Variants in LTBP2 observed in about 807,000 individuals in gnomAD.
The protein encoded by LTBP2 is latent transforming growth factor beta binding protein 2.
LTBP2 carries 103 observed loss-of-function variants against 210.6 expected under a neutral mutation model. That is an observed-to-expected ratio of 0.49 (90% CI 0.42 to 0.58). The LOEUF (loss-of-function observed/expected upper bound fraction) is 0.58, where lower values mean the gene tolerates loss of function less well. LTBP2 is among the 20% of genes least tolerant of loss of function. The pLI is 0.00. For missense variants in LTBP2, 2,313 were observed against 2,494.5 expected (o/e 0.93, Z 1.55); for synonymous variants, 1,007 against 1,015.0 (o/e 0.99, Z 0.15).
At chr14:74,596,809 AGAGT>A (rs2088371766) in intron 2 of LTBP2, among the ~76,000 whole-genome samples, 1 of 152,240 alleles carries the variant, frequency 6.6e-6, no homozygotes, top group Non-Finnish European at 1.5e-5. Flanking sequence ...GCCAGTTAAC[AGAGT>A]GAGTAAGACC....
intron 18 of LTBP2, among the ~76,000 whole-genome samples, 182 bp downstream of exon 18, chr14:74,516,640 T>C (rs2087138377): frequency 6.6e-6 from 1 of 152,120 alleles, no homozygotes; most frequent in East Asian, 1.9e-4. Context: ...GATGCCAGAA[T>C]GTCACTGAGG....
At chr14:74,590,187 C>A (rs2088262872) in intron 2 of LTBP2, among the ~76,000 whole-genome samples, 1 of 152,216 alleles carries the variant, frequency 6.6e-6, no homozygotes, top group Non-Finnish European at 1.5e-5. Flanking sequence ...CACTTATACA[C>A]TGCTGGTGGG....
rs2086892105 is a variant in LTBP2, at chr14:74,499,992, AG to A, written c.*891del. On this transcript the variant is annotated 3_prime_UTR_variant, in exon 36 of 36. Coordinates refer to ENST00000261978, the MANE Select transcript of LTBP2 (RefSeq NM_000428.3). ...ACATCAAACTGGTTTTCACAAAAGG[AG>A]ATCCCAGAAGAGGTTTGTTTCCTGT... 1 of 231,676 alleles carries A rather than the reference AG, an allele frequency of 4.3e-6. No individual in the cohort carries two copies. 14.4% of individuals were successfully genotyped at this position (231,676 alleles called of 1,614,324 possible). A position where few individuals can be genotyped will look rare whatever the true frequency, so the allele number is the denominator to read the frequency against.
intron 6 of LTBP2, 103 bp downstream of exon 6, chr14:74,552,084 G>T (rs760696750): frequency 1.2e-5 from 13 of 1,086,382 alleles, no homozygotes; most frequent in Non-Finnish European, 1.8e-5. Context: ...ATAAAGGAAG[G>T]ACTACAGGCA....
In LTBP2 at chr14:74,499,712, G is replaced by A. The variant is rs987177569; in HGVS notation, c.*1172C>T. Reference sequence around the variant, plus strand: ...TCTAATATTTAGACTTAGCCAACATGGTAAAGAAATTTAATCTGATATGAA... The same window carrying A: ...TCTAATATTTAGACTTAGCCAACATAGTAAAGAAATTTAATCTGATATGAA... On this transcript the variant is annotated 3_prime_UTR_variant, in exon 36 of 36. Transcript: ENST00000261978. 8.9e-6 allele frequency: 2 copies of A among 225,678 alleles called. No homozygotes were observed. Among genetic ancestry groups the A allele is most frequent in the African/African-American group, 4.5e-5 (2 of 44,882 alleles). 14.0% of individuals were successfully genotyped at this position (225,678 alleles called of 1,614,324 possible).
intron 3 of LTBP2, among the ~76,000 whole-genome samples, chr14:74,567,652 G>A (rs1050700227): frequency 2.0e-5 from 3 of 152,240 alleles, no homozygotes; most frequent in African/African-American, 7.2e-5. Context: ...GTTGCAGCTC[G>A]GCGGGGGACA....
At chr14:74,558,842 C>G (rs747361797) in intron 3 of LTBP2, among the ~76,000 whole-genome samples, 8 of 152,056 alleles carry the variant, frequency 5.3e-5, no homozygotes, top group Non-Finnish European at 1.2e-4. Context: ...ATAGACAGGA[C>G]CTGGCTGTAC....
At chr14:74,532,752 T>G (rs1440875486) in intron 9 of LTBP2, among the ~76,000 whole-genome samples, 1 of 152,264 alleles carries the variant, frequency 6.6e-6, no homozygotes, top group Non-Finnish European at 1.5e-5. Context: ...GATGGTGTTG[T>G]TAAATGGATA....
At chr14:74,593,279 G>T (rs1185877821) in intron 2 of LTBP2, among the ~76,000 whole-genome samples, 1 of 152,232 alleles carries the variant, frequency 6.6e-6, no homozygotes, top group East Asian at 1.9e-4. Context: ...CCCCATGCAG[G>T]CTGCTCCTAC....
chr14:74,575,214 T>C (rs1398521299), intron 3 of LTBP2, among the ~76,000 whole-genome samples: 3 of 152,214 alleles, frequency 2.0e-5, no homozygotes, highest in Non-Finnish European at 2.9e-5. Context: ...AGGCCAGCCG[T>C]GGCCTGCTCA....
chr14:74,504,930 G>T (rs1451446143), intron 29 of LTBP2, 53 bp downstream of exon 29: 1 of 1,613,704 alleles, frequency 6.2e-7, no homozygotes. Context: ...CCTTCTTTCA[G>T]TGTCACCTTG....
At position 74,612,088 on chromosome 14, in the gene LTBP2, G is replaced by A. The variant is rs2088624370; in HGVS notation, c.-144C>T. ...AGGGGGCCCTGAAGCGGCCGACTGG[G>A]GGCCCGGCTCTCGGCGGAACGAGGG... On this transcript the variant is annotated 5_prime_UTR_variant, in exon 1 of 36. Transcript: ENST00000261978. 1.2e-6 allele frequency: 1 copy of A among 865,432 alleles called. No homozygotes were observed. Among genetic ancestry groups the A allele is most frequent in the Non-Finnish European group, 1.6e-6 (1 of 610,402 alleles). The allele number at this position is 865,432 out of a possible 1,614,324, so 53.6% of individuals were successfully genotyped here. A position where few individuals can be genotyped will look rare whatever the true frequency, so the allele number is the denominator to read the frequency against.
intron 21 of LTBP2, 109 bp downstream of exon 21, chr14:74,509,625 G>C: frequency 6.6e-7 from 1 of 1,509,466 alleles, no homozygotes; most frequent in Non-Finnish European, 9.1e-7. Flanking sequence ...TTCTAGCCTA[G>C]CCTGGAGCCC....
intron 33 of LTBP2, 91 bp from the exon 34 acceptor site, chr14:74,503,025 G>C: frequency 6.5e-7 from 1 of 1,547,112 alleles, no homozygotes; most frequent in Non-Finnish European, 8.8e-7. Context: ...GCAAGGACTG[G>C]TACCCTCTGG....
At chr14:74,606,400 A>G (rs566979519) in intron 1 of LTBP2, among the ~76,000 whole-genome samples, 1 of 152,326 alleles carries the variant, frequency 6.6e-6, no homozygotes, top group African/African-American at 2.4e-5. Context: ...CCAAGGATAC[A>G]AGGTTTGTTG....
At chr14:74,508,284 G>A (rs920502506) in intron 24 of LTBP2, among the ~76,000 whole-genome samples, 189 bp from the exon 25 acceptor site, 1 of 151,558 alleles carries the variant, frequency 6.6e-6, no homozygotes. Flanking sequence ...GTGAGGTGGG[G>A]TCCCTGGGAC....
At chr14:74,588,606 C>G (rs1172455310) in intron 2 of LTBP2, among the ~76,000 whole-genome samples, 4 of 152,108 alleles carry the variant, frequency 2.6e-5, no homozygotes, top group Non-Finnish European at 5.9e-5. Flanking sequence ...TCTCTTACAC[C>G]TCTTTGTAAC....
chr14:74,577,058 T>C (rs1177506833), intron 3 of LTBP2, among the ~76,000 whole-genome samples: 2 of 151,956 alleles, frequency 1.3e-5, no homozygotes, highest in Non-Finnish European at 2.9e-5. Context: ...GAGGCCAAAA[T>C]TGGGTTTACT....
chr14:74,609,101 C>T (rs1595306969), intron 1 of LTBP2, among the ~76,000 whole-genome samples: 2 of 152,194 alleles, frequency 1.3e-5, no homozygotes, highest in Non-Finnish European at 2.9e-5. Flanking sequence ...GCTCACAAGG[C>T]AATGAATGGC....
Sources: allele counts gnomAD v4.1 joint callset (sites outside exome capture counted in the v4.1 genomes callset), GRCh38; gene constraint gnomAD v4.1.1; transcripts MANE v1.5; gene names NCBI Gene and HGNC (gene_info 2026-07-23, HGNC 2026-07-21).